Variants in HK1 observed in about 807,000 individuals in gnomAD.
HK1 encodes the protein hexokinase-1.
In HK1, 28 loss-of-function variants were observed where a neutral mutation model predicts 91.6. That is an observed-to-expected ratio of 0.31 (90% CI 0.23 to 0.42). The LOEUF is 0.42. Among genes scored for constraint, HK1 ranks in the 10% least tolerant of loss-of-function variants. The probability of loss-of-function intolerance (pLI) is 1.00; values close to 1 mark genes in which losing one functional copy is unlikely to be tolerated. For synonymous variants in HK1, 430 were observed against 468.1 expected, an observed-to-expected ratio of 0.92 and a Z score of 1.05; for missense variants, 770 against 1,219.8, an observed-to-expected ratio of 0.63 and a Z score of 5.49.
chr10:69,336,261 G>C (rs1039514039), intron 1 of HK1, among the ~76,000 whole-genome samples: 2 of 150,682 alleles, frequency 1.3e-5, no homozygotes, highest in African/African-American at 4.9e-5. Flanking sequence ...GCGTGATCTC[G>C]GCTCACTGCA....
Position 69,359,957 on chromosome 10 carries a change from A to C in HK1, c.287A>C (p.Gln96Pro). The change falls in exon 3 of 18, where the codon CAA becomes CCA. Residue 96 changes from glutamine to proline, a missense_variant. Around this residue, in one of 7 missense-constraint regions of HK1, gnomAD observed 449 missense variants for 665.1 expected, o/e 0.68. Transcript: ENST00000359426. ...GGSSFRILRV[Q>P]VNHEKNQNVH... is the part of the protein sequence containing the mutation. The stretch of plus-strand genomic sequence containing the variant: ...TCTTCCTTTCGAATTCTGCGGGTGC[A>C]AGTGAATCATGAGAAAAACCAGAAT... The C allele has an allele frequency of 6.2e-7, 1 of 1,614,086 alleles. No homozygotes were observed. The highest frequency in any genetic ancestry group is 8.5e-7 in the Non-Finnish European group (1 of 1,179,934).
chr10:69,274,368 C>G (rs945014367), intron 1 of HK1, among the ~76,000 whole-genome samples: 1 of 152,114 alleles, frequency 6.6e-6, no homozygotes, highest in Non-Finnish European at 1.5e-5. Context: ...GAGGCCAAAG[C>G]AGGTAGATCA....
chr10:69,380,156 A>C lies in HK1; in HGVS notation c.1265+61A>C. On this transcript the variant is annotated intron_variant, in intron 9 of 17. Transcript: ENST00000359426. This position sits in a 1 kb window ranked among gnomAD's most constrained non-coding sequence, Gnocchi z 4.0. The stretch of plus-strand genomic sequence containing the variant: ...CCCATTGTGGGTAGGGACCTTCTCC[A>C]GAGATCAGACTTTTGTACCCGGTAA... 1 of 1,372,014 alleles carries C rather than the reference A, an allele frequency of 7.3e-7. No homozygotes were observed. The highest frequency in any genetic ancestry group is 1.0e-6 in the Non-Finnish European group (1 of 961,806). 85.0% of individuals were successfully genotyped at this position (1,372,014 alleles called of 1,614,324 possible).
upstream of HK1, among the ~76,000 whole-genome samples, chr10:69,316,946 C>G (rs7084363): frequency 1.3e-5 from 2 of 152,132 alleles, no homozygotes; most frequent in African/African-American, 4.8e-5. Flanking sequence ...TTTTGCTTAA[C>G]GGCCATGTAG....
At position 69,347,439 on chromosome 10, in the gene HK1, A is replaced by ATT. The variant is rs556840743; in HGVS notation, c.226+3465_226+3466dup. Among the ~76,000 whole-genome samples, 827 of 140,368 alleles carry ATT rather than the reference A, an allele frequency of 5.9e-3. 6 individuals carry two copies. Among genetic ancestry groups the ATT allele is most frequent in the African/African-American group, 0.02 (762 of 38,086 alleles). 92.1% of individuals were successfully genotyped at this position (140,368 alleles called of 152,430 possible). A position where few individuals can be genotyped will look rare whatever the true frequency, so the allele number is the denominator to read the frequency against. On this transcript the variant is annotated intron_variant, in intron 2 of 17. Transcript: ENST00000359426. ...TCTTTGGAAATTGAATAGGAGACAGATTTTTTTTTTTTTTTTAAGACAGTC... is the reference window on the plus strand; with the variant it reads ...TCTTTGGAAATTGAATAGGAGACAGATTTTTTTTTTTTTTTTTTAAGACAGTC...
chr10:69,273,579 T>C (rs994595681), intron 1 of HK1, among the ~76,000 whole-genome samples: 2 of 152,164 alleles, frequency 1.3e-5, no homozygotes, highest in Admixed American at 1.3e-4. Flanking sequence ...GTCGAACTCC[T>C]GACCTCAGGT....
chr10:69,401,318 A>G lies in HK1; in HGVS notation c.*183A>G, dbSNP rs1036014253. On this transcript the variant is annotated 3_prime_UTR_variant, in exon 18 of 18. Coordinates refer to ENST00000359426, the MANE Select transcript of HK1 (RefSeq NM_000188.3). The stretch of plus-strand genomic sequence containing the variant: ...CAGAATAGAGCGTGTGCTGTTGATA[A>G]TATCTCTCACCCGGATCCCTCCTCA... 3.0e-6 allele frequency: 2 copies of G among 677,840 alleles called. No homozygotes were observed. Among genetic ancestry groups the G allele is most frequent in the African/African-American group, 1.8e-5 (1 of 55,538 alleles). The allele number at this position is 677,840 out of a possible 1,614,324, so 42.0% of individuals were successfully genotyped here.
intron 10 of HK1, among the ~76,000 whole-genome samples, chr10:69,383,379 A>G (rs1839486625): frequency 6.6e-6 from 1 of 152,200 alleles, no homozygotes; most frequent in Admixed American, 6.5e-5. Flanking sequence ...CCAACCCTTT[A>G]TGCTAACCTT....
chr10:69,396,270 CAA>C (rs1307475339), intron 16 of HK1, among the ~76,000 whole-genome samples: 191 of 62,768 alleles, frequency 3.0e-3, no homozygotes, highest in African/African-American at 7.7e-3. Flanking sequence ...GACTCTGTCT[CAA>C]AAAAAAAAAA....
chr10:69,369,823 C>CCA lies in HK1; in HGVS notation c.875+201_875+202dup, dbSNP rs1255533161. 6.6e-5 allele frequency among the ~76,000 whole-genome samples: 10 copies of CCA among 152,180 alleles called. No individual in the cohort carries two copies. The highest frequency in any genetic ancestry group is 2.4e-4 in the African/African-American group (10 of 41,440). On this transcript the variant is annotated intron_variant, in intron 7 of 17. Coordinates refer to ENST00000359426, the MANE Select transcript of HK1 (RefSeq NM_000188.3). The surrounding 1 kb of genome is among the most constrained non-coding windows in gnomAD (Gnocchi z 4.4). ...GCTCAATCTCAGCTCATTGCAACCT[C>CCA]CACCTCCTGGGTTCAAGCGATTCTC... is the stretch of plus-strand genomic sequence containing the variant.
At position 69,386,337 on chromosome 10, in the gene HK1, G is replaced by A. The variant is rs1589576242; in HGVS notation, c.1854G>A (p.Thr618=). 1.9e-6 allele frequency: 3 copies of A among 1,613,872 alleles called. No individual in the cohort carries two copies. Among genetic ancestry groups the A allele is most frequent in the South Asian group, 2.2e-5 (2 of 91,090 alleles). ...TTATGTTGTAGGGAATCTTGATCAC[G>A]TGGACAAAGGGTTTTAAGGCAACAG... ...QTSLDAGILI[T]WTKGFKATDC... Residue 618 remains threonine (T), a synonymous_variant, in exon 13 of 18, where the codon ACG becomes ACA. Coordinates refer to ENST00000359426, the MANE Select transcript of HK1 (RefSeq NM_000188.3).
chr10:69,328,093 A>G (rs1847486454), intron 1 of HK1, among the ~76,000 whole-genome samples: 1 of 152,190 alleles, frequency 6.6e-6, no homozygotes, highest in Non-Finnish European at 1.5e-5. Context: ...CGGGTAGGGC[A>G]GGCTTATCTG....
At chr10:69,327,712 T>C (rs1320586846) in intron 1 of HK1, among the ~76,000 whole-genome samples, 1 of 152,262 alleles carries the variant, frequency 6.6e-6, no homozygotes, top group Non-Finnish European at 1.5e-5. Flanking sequence ...TTGCCTTTGT[T>C]CCACACCAAC....
At chr10:69,291,857 C>T (rs1042397747) in intron 3 of HK1, among the ~76,000 whole-genome samples, 3 of 152,158 alleles carry the variant, frequency 2.0e-5, no homozygotes, top group African/African-American at 7.2e-5. Context: ...TTCCCTGTTG[C>T]CTTACTATTA....
intron 13 of HK1, chr10:69,386,882 C>T (rs1839660760): frequency 6.5e-6 from 1 of 152,858 alleles, no homozygotes; most frequent in African/African-American, 2.4e-5. Flanking sequence ...GACTCCACTG[C>T]CCGCAATAAA....
At chr10:69,277,420 T>C (rs1453495578) in intron 1 of HK1, among the ~76,000 whole-genome samples, 1 of 151,798 alleles carries the variant, frequency 6.6e-6, no homozygotes, top group East Asian at 1.9e-4. Context: ...ATACAAAAAT[T>C]AGCCAGGCAT....
intron 4 of HK1, among the ~76,000 whole-genome samples, chr10:69,299,968 AT>A (rs913602629): frequency 3.7e-4 from 53 of 143,278 alleles, no homozygotes; most frequent in Middle Eastern, 3.9e-3. Flanking sequence ...CCTATTTTTA[AT>A]TTTTTTTTTC....
chr10:69,382,775 A>G lies in HK1; in HGVS notation c.1554A>G (p.Arg518=), dbSNP rs1430530710. 8.1e-6 allele frequency: 13 copies of G among 1,612,008 alleles called. No homozygotes were observed. Among genetic ancestry groups the G allele is most frequent in the Non-Finnish European group, 1.1e-5 (13 of 1,179,518 alleles). Residue 518 remains arginine, a synonymous_variant, in exon 10 of 18, where the codon AGA becomes AGG. Coordinates refer to ENST00000359426, the MANE Select transcript of HK1 (RefSeq NM_000188.3). ...AGATGCTGCCCTCCTTCGTCCGGAG[A>G]ACTCCCGACGGGACCGGTGAGGGCC... ...VVKMLPSFVR[R]TPDGTENGDF... is the part of the protein sequence containing the mutation.
At chr10:69,374,105 G>A (rs1046449066) in intron 7 of HK1, among the ~76,000 whole-genome samples, 4 of 152,192 alleles carry the variant, frequency 2.6e-5, no homozygotes, top group Non-Finnish European at 5.9e-5. Context: ...GAGTAACTGT[G>A]CGCCTTCAAG....
Sources: gnomAD v4.1 joint callset for allele counts (sites outside exome capture counted in the v4.1 genomes callset) on GRCh38, gnomAD v4.1.1 for gene constraint, gnomAD v4.1.1 regional missense constraint, Gnocchi (gnomAD v3.1) non-coding constraint, MANE v1.5 for transcripts, NCBI Gene and HGNC (gene_info 2026-07-23, HGNC 2026-07-21) for gene names.